Variants in TOP1 observed in about 807,000 individuals in gnomAD.
TOP1 encodes the protein DNA topoisomerase I, also known as DNA topoisomerase 1.
A neutral mutation model predicts 111.1 loss-of-function variants in TOP1; 10 were observed. That is an observed-to-expected ratio of 0.09 (90% CI 0.06 to 0.15). TOP1 has a LOEUF of 0.15. TOP1 is among the 10% of genes least tolerant of loss of function. The probability of loss-of-function intolerance (pLI) is 1.00; values close to 1 mark genes in which losing one functional copy is unlikely to be tolerated. For missense variants in TOP1, 474 were observed against 926.7 expected, an observed-to-expected ratio of 0.51 and a Z score of 6.34; for synonymous variants, 271 against 302.9, an observed-to-expected ratio of 0.89 and a Z score of 1.10.
intron 2 of TOP1, among the ~76,000 whole-genome samples, chr20:41,047,634 CAT>C (rs2033350104): frequency 1.3e-5 from 2 of 152,248 alleles, no homozygotes; most frequent in Admixed American, 1.3e-4. Context: ...TGGCCATGCT[CAT>C]TCATTTACAT....
In TOP1 at chr20:41,110,179, G is replaced by C. The variant is rs1368581745; in HGVS notation, c.1309-2603G>C. On this transcript the variant is annotated intron_variant, in intron 13 of 20. Transcript: ENST00000361337. The surrounding 1 kb of genome is among the most constrained non-coding windows in gnomAD (Gnocchi z 4.2). ...GCACACCTGTAATCTCAGCTATTCAGGAGGCTGAGACATGGGAATCGCTTG... is the reference window on the plus strand; with the variant it reads ...GCACACCTGTAATCTCAGCTATTCACGAGGCTGAGACATGGGAATCGCTTG... Among the ~76,000 whole-genome samples, 1 of 152,158 alleles carries C rather than the reference G, an allele frequency of 6.6e-6. No individual in the cohort carries two copies.
intron 8 of TOP1, among the ~76,000 whole-genome samples, chr20:41,089,207 G>C (rs1291976060): frequency 1.3e-5 from 2 of 151,704 alleles, no homozygotes; most frequent in East Asian, 1.9e-4. Context: ...TATATTTTTG[G>C]TAGAGACGGG....
At chr20:41,049,863 C>T (rs879781512) in intron 2 of TOP1, among the ~76,000 whole-genome samples, 1 of 151,982 alleles carries the variant, frequency 6.6e-6, no homozygotes, top group East Asian at 1.9e-4. Context: ...TGTTAGCTTT[C>T]AAGTTGAGGT....
Position 41,080,119 on chromosome 20 carries a change from G to A in TOP1, c.370G>A (p.Gly124Ser). 6.2e-7 allele frequency: 1 copy of A among 1,611,474 alleles called. No individual in the cohort carries two copies. The highest frequency in any genetic ancestry group is 8.5e-7 in the Non-Finnish European group (1 of 1,178,922). Residue 124 changes from glycine to serine, a missense_variant, in exon 6 of 21, where the codon GGC (glycine) becomes AGC (serine). By Grantham distance (56) the Gly-to-Ser change is moderately conservative. Transcript: ENST00000361337. This position sits in a 1 kb window ranked among gnomAD's most constrained non-coding sequence, Gnocchi z 5.0. ...PQIKDEPEDD[G>S]YFVPPKEDIK... ...AATTAAAGATGAACCTGAAGATGAT[G>A]GCTATTTTGTTCCTCCTAAAGAGGA...
chr20:41,065,672 T>A (rs941534582), intron 3 of TOP1, among the ~76,000 whole-genome samples: 8 of 152,362 alleles, frequency 5.3e-5, no homozygotes, highest in Admixed American at 1.3e-4. Context: ...TTATCTTTTT[T>A]AAATCTGTTC....
chr20:41,070,911 T>C (rs1208173522), intron 3 of TOP1, among the ~76,000 whole-genome samples: 1 of 152,244 alleles, frequency 6.6e-6, no homozygotes, highest in Non-Finnish European at 1.5e-5. Flanking sequence ...ACTTAACTTG[T>C]CTGTGCTTCA....
chr20:41,063,089 C>T (rs779556298), intron 3 of TOP1, among the ~76,000 whole-genome samples: 16 of 152,132 alleles, frequency 1.1e-4, no homozygotes, highest in Admixed American at 2.0e-4. Flanking sequence ...CAACCCTTAC[C>T]GCCCTCTCTG....
At chr20:41,105,608 G>T (rs374154327) in intron 13 of TOP1, among the ~76,000 whole-genome samples, 2 of 152,226 alleles carry the variant, frequency 1.3e-5, no homozygotes, top group South Asian at 2.1e-4. Context: ...AGTGGTTTTG[G>T]TGCCTCAGCC....
At chr20:41,113,011 T>C in intron 14 of TOP1, 86 bp downstream of exon 14, 4 of 1,361,504 alleles carry the variant, frequency 2.9e-6, no homozygotes, top group Non-Finnish European at 4.0e-6. Flanking sequence ...TGCCACATAC[T>C]GTATATCACA....
intron 2 of TOP1, among the ~76,000 whole-genome samples, chr20:41,057,999 T>C (rs1478754095): frequency 1.3e-5 from 2 of 152,248 alleles, no homozygotes; most frequent in East Asian, 1.9e-4. Flanking sequence ...TTTAAAATTA[T>C]AGACTCGAGG....
chr20:41,041,221 G>A (rs1297146760), intron 2 of TOP1, among the ~76,000 whole-genome samples: 1 of 152,040 alleles, frequency 6.6e-6, no homozygotes, highest in Non-Finnish European at 1.5e-5. Context: ...GCCAAAGTGG[G>A]TGAATTGCTT....
In TOP1 at chr20:41,032,197, C is replaced by G. The variant is rs895203696; in HGVS notation, c.58+2742C>G. ...AAGTTCATATATTAAAATCAAACGT[C>G]TCTCATTTTGCCTGCCCTCATCCCC... On this transcript the variant is annotated intron_variant, in intron 2 of 20. Coordinates refer to ENST00000361337, the MANE Select transcript of TOP1 (RefSeq NM_003286.4). The surrounding 1 kb of genome is among the most constrained non-coding windows in gnomAD (Gnocchi z 4.3). Among the ~76,000 whole-genome samples, 1 of 152,184 alleles carries G rather than the reference C, an allele frequency of 6.6e-6. No individual in the cohort carries two copies. The highest frequency in any genetic ancestry group is 2.4e-5 in the African/African-American group (1 of 41,448).
chr20:41,038,638 A>G (rs1008690671), intron 2 of TOP1, among the ~76,000 whole-genome samples: 5 of 152,160 alleles, frequency 3.3e-5, no homozygotes, highest in African/African-American at 1.2e-4. Context: ...TCCAGTGACA[A>G]GGCTTGCTGC....
At chr20:41,089,020 C>CTTGTTTTTTTTTTTTTTTT (rs2033883433) in intron 8 of TOP1, among the ~76,000 whole-genome samples, 1 of 77,926 alleles carries the variant, frequency 1.3e-5, no homozygotes, top group Non-Finnish European at 2.2e-5. Flanking sequence ...TGCCCCAGTT[C>CTTGTTTTTTTTTTTTTTTT]TTTTTTTTTT....
chr20:41,118,150 C>T lies in TOP1; in HGVS notation c.1823-19C>T, dbSNP rs1227844177. 6.2e-7 allele frequency: 1 copy of T among 1,611,660 alleles called. No individual in the cohort carries two copies. Among genetic ancestry groups the T allele is most frequent in the Admixed American group, 1.7e-5 (1 of 59,910 alleles). ...GTGTACAAACTGACCCTCTTGCTACCATGTTCCTTTCTTTACAGCGGATGA... is the reference window on the plus strand; with the variant it reads ...GTGTACAAACTGACCCTCTTGCTACTATGTTCCTTTCTTTACAGCGGATGA... On this transcript the variant is annotated intron_variant, in intron 17 of 20. Transcript: ENST00000361337. This position sits in a 1 kb window ranked among gnomAD's most constrained non-coding sequence, Gnocchi z 4.6.
chr20:41,060,871 T>G (rs796170620), intron 2 of TOP1, among the ~76,000 whole-genome samples: 6 of 152,206 alleles, frequency 3.9e-5, no homozygotes, highest in Non-Finnish European at 8.8e-5. Context: ...TGTATTGTTA[T>G]TACTATTTTT....
chr20:41,072,675 G>A (rs1306000274), intron 3 of TOP1: 1 of 985,398 alleles, frequency 1.0e-6, no homozygotes, highest in East Asian at 1.1e-4. Flanking sequence ...ATGCCAGGTT[G>A]GGCTCCAGGC....
At position 41,101,093 on chromosome 20, in the gene TOP1, CTGTT is replaced by C. The variant is rs2034057153; in HGVS notation, c.1164-115_1164-112del. The C allele has an allele frequency of 1.9e-5, 21 of 1,089,026 alleles. No individual in the cohort carries two copies. The highest frequency in any genetic ancestry group is 2.9e-5 in the Non-Finnish European group (21 of 734,952). The allele number at this position is 1,089,026 out of a possible 1,614,324, so 67.5% of individuals were successfully genotyped here. A position where few individuals can be genotyped will look rare whatever the true frequency, so the allele number is the denominator to read the frequency against. The stretch of plus-strand genomic sequence containing the variant: ...GCATAAGGTGGGACTACTGTATTGA[CTGTT>C]AAGAAGGAAACTTGGAAAATTATGC... On this transcript the variant is annotated intron_variant, in intron 12 of 20. Coordinates refer to ENST00000361337, the MANE Select transcript of TOP1 (RefSeq NM_003286.4). This position sits in a 1 kb window ranked among gnomAD's most constrained non-coding sequence, Gnocchi z 4.1.
rs1254316231 is a variant in TOP1, at chr20:41,046,759, G to C, written c.59-14635G>C. Among the ~76,000 whole-genome samples the C allele has an allele frequency of 6.6e-6, 1 of 152,162 alleles. No homozygotes were observed. Among genetic ancestry groups the C allele is most frequent in the Non-Finnish European group, 1.5e-5 (1 of 68,030 alleles). ...TCCTGAAGTCTGCTTATTTACTAAG[G>C]AATTTCATCAGAGGTGGTTAGCATT... On this transcript the variant is annotated intron_variant, in intron 2 of 20. Coordinates refer to ENST00000361337, the MANE Select transcript of TOP1 (RefSeq NM_003286.4). The surrounding 1 kb of genome is among the most constrained non-coding windows in gnomAD (Gnocchi z 4.3).
Sources: gnomAD v4.1 joint callset for allele counts (sites outside exome capture counted in the v4.1 genomes callset) on GRCh38, gnomAD v4.1.1 for gene constraint, Gnocchi (gnomAD v3.1) non-coding constraint, MANE v1.5 for transcripts, NCBI Gene and HGNC (gene_info 2026-07-23, HGNC 2026-07-21) for gene names.